Variants in MCF2L observed in about 807,000 individuals in gnomAD.
The protein encoded by MCF2L is guanine nucleotide exchange factor DBS.
In MCF2L, 97 loss-of-function variants were observed where a neutral mutation model predicts 153.4. The observed-to-expected ratio is 0.63, with a 90% CI of 0.54 to 0.75. The LOEUF (loss-of-function observed/expected upper bound fraction) is 0.75, where lower values mean the gene tolerates loss of function less well. Among genes scored for constraint, MCF2L ranks in the 30% least tolerant of loss-of-function variants. The pLI is 0.00. For missense variants in MCF2L, 1,347 were observed against 1,495.2 expected (o/e 0.90, Z 1.64); for synonymous variants, 659 against 632.2 (o/e 1.04, Z -0.64).
chr13:112,968,425 G>C, upstream of MCF2L: 1 of 1,576,004 alleles, frequency 6.3e-7, no homozygotes, highest in Non-Finnish European at 8.6e-7. Context: ...CAGCCAGGAC[G>C]CTGCGTGTGT....
In MCF2L at chr13:112,950,238, C is replaced by G. The variant is rs537415074; in HGVS notation, c.169+47867C>G. On this transcript the variant is annotated intron_variant, in intron 2 of 29. Coordinates refer to the MCF2L transcript ENST00000375608. ...ACTGCATGATGCTGATGAGAGAAATCAAGGAAGATCTAAATGCATGGAGAG... is the reference window on the plus strand; with the variant it reads ...ACTGCATGATGCTGATGAGAGAAATGAAGGAAGATCTAAATGCATGGAGAG... Among the ~76,000 whole-genome samples, 33 of 152,046 alleles carry G rather than the reference C, an allele frequency of 2.2e-4. No homozygotes were observed. In the South Asian group the frequency reaches 6.9e-3, roughly 32 times the overall value.
Position 113,098,387 on chromosome 13 carries a change from C to T in MCF2L, c.*1528C>T, listed in dbSNP as rs1159793413. ...TGCAGGCGCGGTGCCTCCGTCTCGT[C>T]GCACAGCTGCGCGCCCTTGTGTGAC... On this transcript the variant is annotated 3_prime_UTR_variant, in exon 30 of 30. Coordinates refer to ENST00000535094, the MANE Select transcript of MCF2L (RefSeq NM_001112732.3). 1 of 152,550 alleles carries T rather than the reference C, an allele frequency of 6.6e-6. No homozygotes were observed. Among genetic ancestry groups the T allele is most frequent in the Non-Finnish European group, 1.5e-5 (1 of 68,050 alleles). 9.4% of individuals were successfully genotyped at this position (152,550 alleles called of 1,614,324 possible). A position where few individuals can be genotyped will look rare whatever the true frequency, so the allele number is the denominator to read the frequency against.
rs1269252663 is a variant in MCF2L at position 112,941,615 on chromosome 13, C to T, written c.169+39244C>T. Among the ~76,000 whole-genome samples the T allele has an allele frequency of 3.3e-5, 5 of 151,856 alleles. No homozygotes were observed. The highest frequency in any genetic ancestry group is 7.4e-5 in the Non-Finnish European group (5 of 67,992). On this transcript the variant is annotated intron_variant, in intron 2 of 29. Coordinates refer to the MCF2L transcript ENST00000375608. This position sits in a 1 kb window ranked among gnomAD's most constrained non-coding sequence, Gnocchi z 4.9. ...AATTGCAAAACCTCTGGATAAAGTT[C>T]CTAAAACCATGGTCCACTGTGGGCG... is the stretch of plus-strand genomic sequence containing the variant.
At chr13:113,088,949 T>G (rs1044713993) in intron 25 of MCF2L, among the ~76,000 whole-genome samples, 8 of 152,346 alleles carry the variant, frequency 5.3e-5, no homozygotes, top group South Asian at 2.1e-4. Context: ...GAGCCGGCAC[T>G]GATGGCCCAG....
chr13:112,923,209 G>A (rs897269462), intron 2 of MCF2L, among the ~76,000 whole-genome samples: 5 of 149,146 alleles, frequency 3.4e-5, no homozygotes, highest in Admixed American at 2.7e-4. Context: ...CAGAGAGTAC[G>A]TGACAGACAG....
chr13:112,956,812 C>G (rs1220019164), intron 2 of MCF2L: 1 of 152,276 alleles, frequency 6.6e-6, no homozygotes, highest in Non-Finnish European at 1.5e-5. Flanking sequence ...TCCTTAAACT[C>G]TCCTGACCGG....
intron 1 of MCF2L, among the ~76,000 whole-genome samples, chr13:113,005,241 C>T (rs2083609196): frequency 1.3e-5 from 2 of 152,222 alleles, no homozygotes; most frequent in South Asian, 4.1e-4. Flanking sequence ...AAGCCACGGC[C>T]TGCTGAGTAA....
At chr13:113,011,417 C>G (rs1463516190) in intron 1 of MCF2L, among the ~76,000 whole-genome samples, 2 of 151,844 alleles carry the variant, frequency 1.3e-5, no homozygotes, top group Non-Finnish European at 2.9e-5. Flanking sequence ...AGATGATGGA[C>G]AGGTGGTGTG....
intron 2 of MCF2L, among the ~76,000 whole-genome samples, chr13:112,926,428 C>T (rs2081405753): frequency 6.6e-6 from 1 of 152,012 alleles, no homozygotes; most frequent in African/African-American, 2.4e-5. Flanking sequence ...TGCAGTACGG[C>T]CTGGTTTCTA....
chr13:112,953,751 G>A (rs976349598), intron 2 of MCF2L, among the ~76,000 whole-genome samples: 1 of 152,222 alleles, frequency 6.6e-6, no homozygotes, highest in Non-Finnish European at 1.5e-5. Flanking sequence ...CCCTGCCCAG[G>A]GGAAGTGCAG....
At position 113,073,360 on chromosome 13, in the gene MCF2L, C is replaced by T. The variant is rs7991816; in HGVS notation, c.997-1084C>T. On this transcript the variant is annotated intron_variant, in intron 9 of 29. Transcript: ENST00000535094. ...TGATGGTATTGAGTTCTTCTATATCCGAGCTAGTTTCTGAGAGGTGGTGCA... is the reference window on the plus strand; with the variant it reads ...TGATGGTATTGAGTTCTTCTATATCTGAGCTAGTTTCTGAGAGGTGGTGCA... 5.8e-3 allele frequency among the ~76,000 whole-genome samples: 885 copies of T among 152,202 alleles called. 7 individuals are homozygous for T. The highest frequency in any genetic ancestry group is 0.02 in the African/African-American group (833 of 41,510).
At position 112,993,005 on chromosome 13, in the gene MCF2L, G is replaced by A. The variant is rs1009809878; in HGVS notation, c.80-21758G>A. 2.0e-5 allele frequency among the ~76,000 whole-genome samples: 3 copies of A among 152,256 alleles called. No individual in the cohort carries two copies. The highest frequency in any genetic ancestry group is 1.3e-4 in the Admixed American group (2 of 15,290). ...CCGGCTCAGTCTCTGCCAAACGTGC[G>A]CGGGCATCAGGCAGGAGTCCATGGG... On this transcript the variant is annotated intron_variant, in intron 1 of 29. Transcript: ENST00000535094. The surrounding 1 kb of genome is among the most constrained non-coding windows in gnomAD (Gnocchi z 4.6).
chr13:112,975,584 T>C (rs1038472144), intron 1 of MCF2L, among the ~76,000 whole-genome samples: 1 of 152,096 alleles, frequency 6.6e-6, no homozygotes, highest in African/African-American at 2.4e-5. Context: ...CTTGTGCACA[T>C]GGTCAGTGCC....
chr13:113,017,336 G>A (rs1248866017), intron 2 of MCF2L, among the ~76,000 whole-genome samples: 1 of 152,204 alleles, frequency 6.6e-6, no homozygotes, highest in Non-Finnish European at 1.5e-5. Context: ...GGGGACGCAG[G>A]TGTTCCTTGG....
intron 2 of MCF2L, among the ~76,000 whole-genome samples, chr13:113,017,638 G>A (rs770422969): frequency 7.5e-4 from 114 of 152,136 alleles, no homozygotes; most frequent in Non-Finnish European, 1.5e-3. Context: ...TGCCCTCAAG[G>A]GGGCTCCCCT....
At chr13:112,975,350 A>C (rs2082178297) in intron 1 of MCF2L, among the ~76,000 whole-genome samples, 1 of 152,230 alleles carries the variant, frequency 6.6e-6, no homozygotes, top group Non-Finnish European at 1.5e-5. Context: ...ATTGACTATT[A>C]GGTTAAAATC....
rs370005143 is a variant in MCF2L at position 113,094,612 on chromosome 13, G to T, written c.3052G>T (p.Gly1018Cys). 2.5e-6 allele frequency: 4 copies of T among 1,611,542 alleles called. No homozygotes were observed. Among genetic ancestry groups the T allele is most frequent in the Non-Finnish European group, 3.4e-6 (4 of 1,179,404 alleles). ...QINSSDAEEDGGLGPKKLVPG... is the reference protein window; with the variant it reads ...QINSSDAEEDCGLGPKKLVPG... ...TAACTCGTCCGACGCAGAGGAGGAC[G>T]GCGGGTTGGGCCCCAAGAAGCTGGT... Residue 1018 changes from glycine to cysteine, a missense_variant, in exon 27 of 30, where the codon GGC (glycine) becomes TGC (cysteine). Physicochemically the swap from Gly to Cys is radical, Grantham distance 159. Coordinates refer to ENST00000535094, the MANE Select transcript of MCF2L (RefSeq NM_001112732.3).
intron 4 of MCF2L, among the ~76,000 whole-genome samples, chr13:113,048,631 C>T (rs1397159342): frequency 2.6e-5 from 4 of 152,068 alleles, no homozygotes; most frequent in African/African-American, 7.2e-5. Context: ...TTAGTAGAGA[C>T]GGGGTTTCAC....
intron 2 of MCF2L, among the ~76,000 whole-genome samples, chr13:113,017,370 C>G (rs1225432771): frequency 3.9e-5 from 6 of 152,234 alleles, no homozygotes; most frequent in African/African-American, 1.2e-4. Flanking sequence ...CTTCATGCAG[C>G]CGCCTCACCT....
Sources: allele counts gnomAD v4.1 joint callset (sites outside exome capture counted in the v4.1 genomes callset), GRCh38; gene constraint gnomAD v4.1.1; non-coding constraint Gnocchi (gnomAD v3.1); transcripts MANE v1.5; gene names NCBI Gene and HGNC (gene_info 2026-07-23, HGNC 2026-07-21).